FER: variants seen among roughly 807,000 people sequenced by gnomAD.
FER encodes tyrosine-protein kinase Fer.
Under a neutral mutation model 111.0 loss-of-function variants are expected in FER, and 63 were observed. The ratio of observed to expected loss-of-function variants is 0.57; its 90% CI spans 0.46 to 0.70. FER has a LOEUF of 0.70. Among genes scored for constraint, FER ranks in the 30% least tolerant of loss-of-function variants. The pLI is 0.00. For synonymous variants in FER, 327 were observed against 313.9 expected (o/e 1.04, Z -0.44); for missense variants, 914 against 954.0 (o/e 0.96, Z 0.55).
intron 4 of FER, among the ~76,000 whole-genome samples, chr5:108,835,184 A>ACCCCCCCCC (rs1337713990): frequency 3.5e-5 from 1 of 28,882 alleles, no homozygotes; most frequent in African/African-American, 2.1e-4. Context: ...CGTTTGCGCC[A>ACCCCCCCCC]CCCCCCCCCC....
chr5:109,143,450 C>T (rs1753736702), intron 17 of FER, among the ~76,000 whole-genome samples: 1 of 152,060 alleles, frequency 6.6e-6, no homozygotes, highest in African/African-American at 2.4e-5. Context: ...TTGTTTCACT[C>T]GACCTGTTTT....
chr5:109,172,541 G>A (rs1412776075), intron 17 of FER, among the ~76,000 whole-genome samples: 1 of 146,360 alleles, frequency 6.8e-6, no homozygotes, highest in Non-Finnish European at 1.5e-5. Context: ...GCTAAATGAC[G>A]AGTTACTGGG....
intron 13 of FER, among the ~76,000 whole-genome samples, chr5:109,033,106 A>G (rs1388062322): frequency 6.6e-6 from 1 of 152,100 alleles, no homozygotes; most frequent in East Asian, 1.9e-4. Context: ...CCTTGTTTCT[A>G]TTGATGGTTT....
At chr5:108,775,448 A>G (rs952101706) in intron 2 of FER, among the ~76,000 whole-genome samples, 2 of 152,244 alleles carry the variant, frequency 1.3e-5, no homozygotes, top group Admixed American at 6.5e-5. Context: ...TTATATCAAT[A>G]CCTTAAAGAA....
At chr5:108,975,833 AAG>A (rs1168868616) in intron 13 of FER, among the ~76,000 whole-genome samples, 1 of 152,164 alleles carries the variant, frequency 6.6e-6, no homozygotes, top group African/African-American at 2.4e-5. Context: ...TGATGGGTGA[AAG>A]AGAGGTTTTA....
intron 9 of FER, among the ~76,000 whole-genome samples, chr5:108,890,614 T>G (rs1747884504): frequency 6.6e-6 from 1 of 152,060 alleles, no homozygotes; most frequent in Admixed American, 6.6e-5. Flanking sequence ...GCAACAGTCT[T>G]TTCCATTAAT....
chr5:108,806,550 T>A (rs535519852), intron 3 of FER, among the ~76,000 whole-genome samples: 32 of 152,346 alleles, frequency 2.1e-4, no homozygotes, highest in Non-Finnish European at 3.4e-4. Flanking sequence ...GGCTGTACCC[T>A]GCAAAGCCAC....
chr5:109,050,279 GA>G (rs569413678), intron 16 of FER, among the ~76,000 whole-genome samples: 11 of 148,040 alleles, frequency 7.4e-5, no homozygotes, highest in South Asian at 6.4e-4. Flanking sequence ...CATTTTAGGA[GA>G]AAAAAAAAAG....
chr5:108,931,720 C>T (rs1044345656), intron 10 of FER, among the ~76,000 whole-genome samples: 1 of 152,020 alleles, frequency 6.6e-6, no homozygotes, highest in Non-Finnish European at 1.5e-5. Flanking sequence ...ATCCCAGCTA[C>T]TTGGGAGGCT....
chr5:108,893,785 T>C (rs1748584719), intron 9 of FER, among the ~76,000 whole-genome samples: 1 of 152,068 alleles, frequency 6.6e-6, no homozygotes, highest in Admixed American at 6.6e-5. Context: ...TGATCTTGGA[T>C]GGTTCTAAGA....
chr5:108,813,968 C>G (rs1382694472), intron 3 of FER, among the ~76,000 whole-genome samples: 1 of 152,088 alleles, frequency 6.6e-6, no homozygotes, highest in Non-Finnish European at 1.5e-5. Context: ...TGGGCCATTT[C>G]CATGTTAAAA....
At chr5:109,087,793 A>G (rs1204020136) in intron 16 of FER, among the ~76,000 whole-genome samples, 2 of 151,764 alleles carry the variant, frequency 1.3e-5, no homozygotes, top group Non-Finnish European at 2.9e-5. Flanking sequence ...TGTTGTATGT[A>G]TGTGTAAGCA....
chr5:109,076,134 C>T (rs1313851044), intron 16 of FER, among the ~76,000 whole-genome samples: 1 of 151,886 alleles, frequency 6.6e-6, no homozygotes, highest in African/African-American at 2.4e-5. Flanking sequence ...TATGGCTATT[C>T]TTTCTAAGAA....
chr5:109,184,427 G>C (rs1758635795), intron 18 of FER, among the ~76,000 whole-genome samples: 1 of 152,100 alleles, frequency 6.6e-6, no homozygotes. Context: ...AGTTACTCTT[G>C]GTCTGTTAAA....
Position 109,196,556 on chromosome 5 carries a change from T to C in FER, c.*8981T>C, listed in dbSNP as rs979142034. 9.2e-5 allele frequency: 14 copies of C among 152,212 alleles called. No individual in the cohort carries two copies. The highest frequency in any genetic ancestry group is 7.9e-4 in the Admixed American group (12 of 15,284). 9.4% of individuals were successfully genotyped at this position (152,212 alleles called of 1,614,324 possible). On this transcript the variant is annotated 3_prime_UTR_variant, in exon 20 of 20. Transcript: ENST00000281092. ...CTGAAAAATGGATGAAAGCTAAATA[T>C]ATAAAGCAGTTGGTTGTCTATCTTT...
chr5:109,124,115 G>T (rs1213982435), intron 17 of FER, among the ~76,000 whole-genome samples: 3 of 152,034 alleles, frequency 2.0e-5, no homozygotes, highest in Non-Finnish European at 4.4e-5. Flanking sequence ...TGTAATCCCA[G>T]CTACAAAAGG....
intron 3 of FER, among the ~76,000 whole-genome samples, chr5:108,798,872 C>G (rs910908541): frequency 2.0e-5 from 3 of 152,116 alleles, no homozygotes; most frequent in African/African-American, 7.2e-5. Flanking sequence ...CTCTGATATT[C>G]TGTATTCTAT....
At chr5:109,130,600 A>G (rs772747565) in intron 17 of FER, among the ~76,000 whole-genome samples, 10 of 152,278 alleles carry the variant, frequency 6.6e-5, no homozygotes, top group South Asian at 2.1e-4. Flanking sequence ...TTAACATGCA[A>G]TTAGTGTGAA....
intron 17 of FER, among the ~76,000 whole-genome samples, chr5:109,172,492 G>GGGGAGGT (rs1757232591): frequency 1.3e-5 from 1 of 75,578 alleles, no homozygotes; most frequent in Non-Finnish European, 2.6e-5. Context: ...TGTGGGGTGG[G>GGGGAGGT]GGGAGGGGGG....
Sources: allele counts gnomAD v4.1 joint callset (sites outside exome capture counted in the v4.1 genomes callset), GRCh38; gene constraint gnomAD v4.1.1; transcripts MANE v1.5; gene names NCBI Gene and HGNC (gene_info 2026-07-23, HGNC 2026-07-21).